Variants in OPHN1 observed in about 807,000 individuals in gnomAD.
OPHN1 encodes the protein oligophrenin 1, also known as oligophrenin-1.
Under a neutral mutation model 60.7 loss-of-function variants are expected in OPHN1, and 11 were observed. The observed-to-expected ratio is 0.18, with a 90% CI of 0.11 to 0.30. The LOEUF is 0.30. Among genes scored for constraint, OPHN1 ranks in the 10% least tolerant of loss-of-function variants. The pLI, the probability that OPHN1 is intolerant of heterozygous loss-of-function variation, is 1.00. For missense variants in OPHN1, 449 were observed against 611.0 expected (o/e 0.73, Z 2.80); for synonymous variants, 226 against 222.6 (o/e 1.02, Z -0.14).
At chrX:68,200,199 G>A (rs2147465997) in intron 11 of OPHN1, among the ~76,000 whole-genome samples, 1 of 111,747 alleles carries the variant, frequency 8.9e-6, no homozygotes, top group East Asian at 2.8e-4. Context: ...GGGGGGTGTA[G>A]ATTAAATGAG....
intron 15 of OPHN1, among the ~76,000 whole-genome samples, chrX:68,167,720 T>C (rs1310648721): frequency 1.4e-5 from 1 of 72,024 alleles, no homozygotes; most frequent in Non-Finnish European, 2.4e-5. Flanking sequence ...TATGTGTGTG[T>C]GTATATATAT....
intron 21 of OPHN1, among the ~76,000 whole-genome samples, chrX:68,059,608 T>C (rs1234874350): frequency 1.8e-5 from 2 of 112,357 alleles, no homozygotes; most frequent in African/African-American, 6.5e-5. Flanking sequence ...CACCCATTAC[T>C]GCAAGAGCAA....
chrX:68,090,734 G>T (rs894814766), intron 19 of OPHN1, among the ~76,000 whole-genome samples: 2 of 110,945 alleles, frequency 1.8e-5, no homozygotes, highest in Admixed American at 9.7e-5. Flanking sequence ...AGCTTTCTCC[G>T]GCCAGTTTAT....
At chrX:68,140,298 T>C (rs1431137883) in intron 15 of OPHN1, among the ~76,000 whole-genome samples, 1 of 111,861 alleles carries the variant, frequency 8.9e-6, no homozygotes, top group Non-Finnish European at 1.9e-5. Context: ...AACAACAGAA[T>C]GATCTGGCCT....
chrX:68,312,605 C>A (rs764342395), intron 2 of OPHN1, among the ~76,000 whole-genome samples: 16 of 110,010 alleles, frequency 1.5e-4, no homozygotes. Context: ...AACTTTACAC[C>A]TTAAGAAACT....
intron 5 of OPHN1, among the ~76,000 whole-genome samples, chrX:68,239,542 C>G (rs1005658235): frequency 9.0e-6 from 1 of 111,218 alleles, no homozygotes; most frequent in East Asian, 2.8e-4. Context: ...TGCCTGCCCC[C>G]CTCCCGTATC....
chrX:68,073,205 C>T lies in OPHN1; in HGVS notation c.1781G>A (p.Arg594His), dbSNP rs139612280. The change falls in exon 20 of 25, where the codon CGC becomes CAC. Residue 594 changes from arginine (R) to histidine (H), a missense_variant. Arg to His is a conservative substitution (Grantham distance 29, BLOSUM62 0). This residue lies in a region of OPHN1 where 166 missense variants were observed against 278.4 expected (regional missense o/e 0.60). Coordinates refer to ENST00000355520, the MANE Select transcript of OPHN1 (RefSeq NM_002547.3). ...GAAAACCGTCCTTTCTCGCAGCAAG[C>T]GCTTTGAAATCGTGATTGGTTTGTG... The part of the protein sequence containing the change: ...RRHKPITISK[R>H]LLRERTVFYT... 1.7e-5 allele frequency: 21 copies of T among 1,210,317 alleles called. 1 individual carries two copies. In the South Asian group the frequency reaches 2.8e-4, roughly 16 times the overall value.
rs185384582 is a variant in OPHN1 at position 68,256,050 on chromosome X, G to C, written c.384+18688C>G. On this transcript the variant is annotated intron_variant, in intron 5 of 24. Coordinates refer to ENST00000355520, the MANE Select transcript of OPHN1 (RefSeq NM_002547.3). ...AGAAACAGCTCTCTCTACAGAGAGA[G>C]GGGGGTCTCCAAAAGGAAAGGACCT... 4.5e-5 allele frequency among the ~76,000 whole-genome samples: 5 copies of C among 110,632 alleles called. No homozygotes were observed. In the East Asian group the frequency reaches 8.7e-4, roughly 19 times the overall value.
At chrX:68,096,687 A>G (rs897242783) in intron 19 of OPHN1, among the ~76,000 whole-genome samples, 183 bp downstream of exon 19, 1 of 111,722 alleles carries the variant, frequency 9.0e-6, no homozygotes, top group Admixed American at 9.5e-5. Flanking sequence ...TTATAAGCTT[A>G]AGCAATGTTT....
chrX:68,333,090 T>C (rs1011138381), intron 2 of OPHN1, among the ~76,000 whole-genome samples: 1 of 110,113 alleles, frequency 9.1e-6, no homozygotes, highest in African/African-American at 3.3e-5. Flanking sequence ...ATAGTATATA[T>C]AACGGTGGCC....
intron 5 of OPHN1, among the ~76,000 whole-genome samples, chrX:68,263,915 C>A (rs1365136480): frequency 3.6e-5 from 4 of 111,542 alleles, no homozygotes; most frequent in African/African-American, 1.3e-4. Context: ...CTTCAAAATC[C>A]AGAGTATATT....
chrX:68,194,695 G>A (rs1038946220), intron 12 of OPHN1, among the ~76,000 whole-genome samples, 197 bp from the exon 13 acceptor site: 12 of 111,338 alleles, frequency 1.1e-4, no homozygotes, highest in Non-Finnish European at 1.7e-4. Context: ...CAGGCCAGGC[G>A]TGGTGGCTCA....
chrX:68,416,057 TATATATATATAGAG>T (rs1313991205), intron 2 of OPHN1, among the ~76,000 whole-genome samples: 164 of 7,814 alleles, frequency 0.021, no homozygotes, highest in East Asian at 0.034. Context: ...TATATATATA[TATATATATATAGAG>T]AGAGAGAGAG....
chrX:68,318,793 G>A (rs967102095), intron 2 of OPHN1, among the ~76,000 whole-genome samples: 7 of 111,628 alleles, frequency 6.3e-5, no homozygotes, highest in African/African-American at 2.3e-4. Flanking sequence ...TTTTAGCTCT[G>A]GTAGTTTCTC....
At chrX:68,156,940 C>T (rs192081008) in intron 15 of OPHN1, among the ~76,000 whole-genome samples, 9 of 111,073 alleles carry the variant, frequency 8.1e-5, no homozygotes, top group Admixed American at 1.9e-4. Context: ...GCTTACAGTG[C>T]ACATAGTATG....
At chrX:68,146,929 T>C (rs769340649) in intron 15 of OPHN1, among the ~76,000 whole-genome samples, 31 of 112,276 alleles carry the variant, frequency 2.8e-4, no homozygotes, top group African/African-American at 4.5e-4. Context: ...TATGTACATA[T>C]GGCAACTGAA....
At chrX:68,295,668 A>G (rs1222749706) in intron 3 of OPHN1, among the ~76,000 whole-genome samples, 1 of 112,478 alleles carries the variant, frequency 8.9e-6, no homozygotes, top group Non-Finnish European at 1.9e-5. Context: ...GGTCAGATCA[A>G]TGACACATGG....
chrX:68,409,558 GA>G (rs2078759767), intron 2 of OPHN1, among the ~76,000 whole-genome samples: 1 of 112,047 alleles, frequency 8.9e-6, no homozygotes, highest in South Asian at 3.7e-4. Context: ...AGATGATCCA[GA>G]AAGAGGACAA....
At chrX:68,308,726 C>T (rs992655925) in intron 2 of OPHN1, among the ~76,000 whole-genome samples, 1 of 111,913 alleles carries the variant, frequency 8.9e-6, no homozygotes, top group Non-Finnish European at 1.9e-5. Flanking sequence ...TGAGGATATA[C>T]GCAGTTAGCC....
Sources: gnomAD v4.1 joint callset for allele counts (sites outside exome capture counted in the v4.1 genomes callset) on GRCh38, gnomAD v4.1.1 for gene constraint, gnomAD v4.1.1 regional missense constraint, MANE v1.5 for transcripts, NCBI Gene and HGNC (gene_info 2026-07-23, HGNC 2026-07-21) for gene names.